Variants in MICU1 observed in about 807,000 individuals in gnomAD.
MICU1 encodes mitochondrial calcium uptake 1.
In MICU1, 45 loss-of-function variants were observed where a neutral mutation model predicts 56.8. That is an observed-to-expected ratio of 0.79 (90% confidence interval 0.62 to 1.02). The LOEUF is 1.02. Ranked by LOEUF, MICU1 falls within the 50% of genes least tolerant of loss-of-function variation. The pLI is 0.00. For missense variants in MICU1, 504 were observed against 587.1 expected (o/e 0.86, Z 1.46); for synonymous variants, 186 against 195.1 (o/e 0.95, Z 0.39).
chr10:72,559,844 G>A (rs187620352), intron 3 of MICU1, among the ~76,000 whole-genome samples: 4 of 152,292 alleles, frequency 2.6e-5, no homozygotes, highest in African/African-American at 7.2e-5. Flanking sequence ...GAACATGACC[G>A]ACTAAGCTCT....
At chr10:72,491,449 C>T (rs1866652360) in intron 6 of MICU1, among the ~76,000 whole-genome samples, 1 of 152,182 alleles carries the variant, frequency 6.6e-6, no homozygotes, top group South Asian at 2.1e-4. Context: ...AAAATCCTCT[C>T]TCCCATGGAT....
chr10:72,439,992 C>T (rs957649717), intron 8 of MICU1, among the ~76,000 whole-genome samples: 36 of 152,118 alleles, frequency 2.4e-4, no homozygotes, highest in African/African-American at 6.8e-4. Flanking sequence ...TTTATAGATT[C>T]AATGCCATCC....
chr10:72,532,099 C>T (rs1392042537), intron 5 of MICU1, among the ~76,000 whole-genome samples: 1 of 151,790 alleles, frequency 6.6e-6, no homozygotes, highest in Non-Finnish European at 1.5e-5. Flanking sequence ...AGGCAGATCA[C>T]GAGGTCAGGA....
intron 8 of MICU1, among the ~76,000 whole-genome samples, chr10:72,455,350 CA>C (rs56378605): frequency 0.017 from 767 of 44,184 alleles, 1 homozygote; most frequent in South Asian, 0.065. Flanking sequence ...GACTCTGTCT[CA>C]AAAAAAAAAA....
chr10:72,599,672 C>T (rs919387801), intron 1 of MICU1, among the ~76,000 whole-genome samples: 1 of 152,156 alleles, frequency 6.6e-6, no homozygotes, highest in African/African-American at 2.4e-5. Context: ...CTGCCTCCAT[C>T]CTTCCCTCCC....
intron 8 of MICU1, among the ~76,000 whole-genome samples, chr10:72,456,727 C>T (rs1216482340): frequency 6.6e-6 from 1 of 151,962 alleles, no homozygotes; most frequent in Non-Finnish European, 1.5e-5. Context: ...CTTGCTCTGT[C>T]ACTCAGGCTG....
intron 10 of MICU1, among the ~76,000 whole-genome samples, chr10:72,405,522 C>G (rs1187426792): frequency 6.6e-6 from 1 of 150,472 alleles, no homozygotes; most frequent in East Asian, 1.9e-4. Flanking sequence ...TGCCCAGTCC[C>G]TAACTCATTT....
intron 10 of MICU1, among the ~76,000 whole-genome samples, chr10:72,387,843 T>C (rs1213460162): frequency 6.6e-6 from 1 of 151,896 alleles, no homozygotes; most frequent in Non-Finnish European, 1.5e-5. Flanking sequence ...ATAGGTTGTT[T>C]CCAGCCCCCT....
At chr10:72,595,875 A>T (rs1290526495) in intron 1 of MICU1, among the ~76,000 whole-genome samples, 3 of 152,134 alleles carry the variant, frequency 2.0e-5, no homozygotes, top group African/African-American at 7.2e-5. Context: ...CTCACCTATA[A>T]TCCCAACACT....
chr10:72,548,266 T>C (rs1440156714), intron 4 of MICU1, among the ~76,000 whole-genome samples: 2 of 151,900 alleles, frequency 1.3e-5, no homozygotes, highest in African/African-American at 2.4e-5. Flanking sequence ...CTCACATAAA[T>C]GGCAATAAAA....
chr10:72,615,825 C>T (rs1163847696), intron 1 of MICU1, among the ~76,000 whole-genome samples: 1 of 152,020 alleles, frequency 6.6e-6, no homozygotes, highest in Non-Finnish European at 1.5e-5. Flanking sequence ...CCTGTCTCTA[C>T]TAAAAATACA....
chr10:72,578,246 C>T (rs1345842761), intron 1 of MICU1, among the ~76,000 whole-genome samples: 1 of 151,894 alleles, frequency 6.6e-6, no homozygotes, highest in Non-Finnish European at 1.5e-5. Flanking sequence ...ATGATTGTTA[C>T]CATTTTTTAG....
rs550154745 is a variant in MICU1, at chr10:72,475,216, C to T, written c.817G>A (p.Gly273Ser). ...TAGGTTGTGAGGGCTGAACACAAGC[C>T]AGACTTGAGGGTGTTGCCAGTAGTT... Reference protein sequence around the residue: ...RPTTGNTLKSGLCSALTTYFF... With the variant: ...RPTTGNTLKSSLCSALTTYFF... Residue 273 changes from glycine to serine, a missense_variant, in exon 8 of 12, where the codon GGC becomes AGC. By Grantham distance (56) the Gly-to-Ser change is moderately conservative. Coordinates refer to ENST00000361114, the MANE Select transcript of MICU1 (RefSeq NM_001195518.2). The T allele has an allele frequency of 6.2e-7, 1 of 1,611,092 alleles. No homozygotes were observed. The highest frequency in any genetic ancestry group is 1.3e-5 in the African/African-American group (1 of 74,974).
chr10:72,373,363 G>A (rs937619739), intron 11 of MICU1, among the ~76,000 whole-genome samples: 2 of 151,860 alleles, frequency 1.3e-5, no homozygotes, highest in Admixed American at 6.6e-5. Context: ...TTTTTGTAGC[G>A]ATGGGATCTC....
intron 10 of MICU1, among the ~76,000 whole-genome samples, chr10:72,387,508 C>T (rs1016383646): frequency 3.9e-5 from 6 of 152,234 alleles, no homozygotes; most frequent in South Asian, 2.1e-4. Context: ...CTAATGAATT[C>T]CCCCTTGAAT....
intron 10 of MICU1, among the ~76,000 whole-genome samples, chr10:72,392,240 G>A (rs1049753789): frequency 6.6e-6 from 1 of 152,108 alleles, no homozygotes; most frequent in Non-Finnish European, 1.5e-5. Context: ...CCAAACCCCT[G>A]AAGATACCAA....
At chr10:72,425,001 A>G (rs549224537) in intron 8 of MICU1, among the ~76,000 whole-genome samples, 9 of 152,374 alleles carry the variant, frequency 5.9e-5, no homozygotes, top group African/African-American at 1.9e-4. Context: ...TGACAATACC[A>G]AAAGTTTTCA....
chr10:72,447,871 G>C (rs1009134348), intron 8 of MICU1, among the ~76,000 whole-genome samples: 7 of 152,066 alleles, frequency 4.6e-5, no homozygotes, highest in African/African-American at 1.7e-4. Flanking sequence ...GCTAAATTAT[G>C]AAGTTGCATA....
At chr10:72,502,396 T>A (rs1357199046) in intron 6 of MICU1, among the ~76,000 whole-genome samples, 1 of 152,108 alleles carries the variant, frequency 6.6e-6, no homozygotes, top group Non-Finnish European at 1.5e-5. Flanking sequence ...CCTCAAGTTA[T>A]CCACCCACCT....
Sources: allele counts gnomAD v4.1 joint callset (sites outside exome capture counted in the v4.1 genomes callset), GRCh38; gene constraint gnomAD v4.1.1; transcripts MANE v1.5; gene names NCBI Gene and HGNC (gene_info 2026-07-23, HGNC 2026-07-21).